The following STYK1 variants were observed in gnomAD, a reference collection of about 807,000 sequenced individuals.
STYK1 encodes STY kinase 1, also known as tyrosine-protein kinase STYK1.
A neutral mutation model predicts 48.1 loss-of-function variants in STYK1; 46 were observed. The observed-to-expected ratio is 0.96, with a 90% CI of 0.75 to 1.22. The LOEUF is 1.22. Ranked by LOEUF, STYK1 falls within the 50% of genes most tolerant of loss-of-function variation. STYK1 has a pLI of 0.00. For missense variants in STYK1, 527 were observed against 521.1 expected (o/e 1.01, Z -0.11); for synonymous variants, 188 against 189.0 (o/e 0.99, Z 0.04).
intron 1 of STYK1, among the ~76,000 whole-genome samples, chr12:10,659,188 A>G (rs866463411): frequency 6.6e-6 from 1 of 152,178 alleles, no homozygotes; most frequent in Non-Finnish European, 1.5e-5. Flanking sequence ...TGCTTAAAAC[A>G]TTGCTAATTC....
chr12:10,660,858 G>T (rs1341720272), intron 1 of STYK1, among the ~76,000 whole-genome samples: 2 of 152,108 alleles, frequency 1.3e-5, no homozygotes, highest in African/African-American at 4.8e-5. Flanking sequence ...TCTGGGATTT[G>T]CCCATCCCTT....
intron 1 of STYK1, among the ~76,000 whole-genome samples, chr12:10,642,430 T>C (rs1947555381): frequency 6.6e-6 from 1 of 152,212 alleles, no homozygotes; most frequent in Non-Finnish European, 1.5e-5. Context: ...CTATGCAGCA[T>C]AATTTCTGTA....
chr12:10,643,112 C>T (rs1327898482), intron 1 of STYK1, among the ~76,000 whole-genome samples: 1 of 152,208 alleles, frequency 6.6e-6, no homozygotes, highest in Non-Finnish European at 1.5e-5. Flanking sequence ...AATCTGCCCA[C>T]TTACTCATGC....
At chr12:10,626,868 G>A (rs1300480314) in intron 7 of STYK1, among the ~76,000 whole-genome samples, 4 of 152,068 alleles carry the variant, frequency 2.6e-5, no homozygotes, top group East Asian at 1.9e-4. Flanking sequence ...TTAGCCGGGC[G>A]TGGTGGTGGG....
chr12:10,664,565 C>A (rs1233339588), intron 1 of STYK1, among the ~76,000 whole-genome samples: 5 of 152,154 alleles, frequency 3.3e-5, no homozygotes, highest in African/African-American at 9.7e-5. Context: ...TATTTATAAA[C>A]CCACAACCTG....
At chr12:10,623,094 A>T (rs1947315861) in intron 8 of STYK1, among the ~76,000 whole-genome samples, 1 of 152,168 alleles carries the variant, frequency 6.6e-6, no homozygotes, top group Admixed American at 6.6e-5. Context: ...ACCAAGTTTT[A>T]TCATTTAGTC....
rs1301004725 is a variant in STYK1, at chr12:10,621,894, C to T, written c.1046G>A (p.Ser349Asn). ...CACTTACATGGTATGTGTGCAGCTA[C>T]TGGGTCTCTTCATGATTTTCCTTCT... ...LQRRKIMKRP[S>N]SCTHTMYSIM... is the part of the protein sequence containing the mutation. Residue 349 changes from serine (S) to asparagine (N), a missense_variant, in exon 10 of 11, where the codon AGT becomes AAT. Coordinates refer to ENST00000075503, the MANE Select transcript of STYK1 (RefSeq NM_018423.3). 3 of 1,613,748 alleles carry T rather than the reference C, an allele frequency of 1.9e-6. No homozygotes were observed. In the East Asian group the frequency reaches 6.7e-5, roughly 36 times the overall value.
chr12:10,662,962 T>C (rs987039797), intron 1 of STYK1, among the ~76,000 whole-genome samples: 5 of 152,222 alleles, frequency 3.3e-5, no homozygotes, highest in African/African-American at 7.2e-5. Flanking sequence ...AAGAATTTCA[T>C]AGTTTTAGTT....
chr12:10,634,389 T>C (rs1349585506), intron 3 of STYK1, among the ~76,000 whole-genome samples, 178 bp downstream of exon 3: 1 of 152,184 alleles, frequency 6.6e-6, no homozygotes, highest in African/African-American at 2.4e-5. Flanking sequence ...AGCATCTGGA[T>C]CACTGATTAG....
At chr12:10,633,632 G>GTC (rs1451702980) in intron 4 of STYK1, among the ~76,000 whole-genome samples, 3 of 152,106 alleles carry the variant, frequency 2.0e-5, no homozygotes, top group Non-Finnish European at 4.4e-5. Context: ...ATCATAGGGT[G>GTC]ATATGTCATC....
chr12:10,655,534 T>G (rs1947708787), intron 1 of STYK1, among the ~76,000 whole-genome samples: 1 of 152,218 alleles, frequency 6.6e-6, no homozygotes, highest in Non-Finnish European at 1.5e-5. Context: ...ATGAGTACTT[T>G]CAGGTTGATA....
intron 1 of STYK1, among the ~76,000 whole-genome samples, chr12:10,668,866 C>A (rs115312336): frequency 0.017 from 2,619 of 152,190 alleles, 70 homozygotes; most frequent in African/African-American, 0.061. Context: ...TCCTGGAGAG[C>A]ACAGTCAGCT....
rs377592277 is a variant in STYK1, at chr12:10,631,146, A to G, written c.350T>C (p.Leu117Pro). The G allele has an allele frequency of 6.2e-7, 1 of 1,614,104 alleles. No individual in the cohort carries two copies. The highest frequency in any genetic ancestry group is 1.3e-5 in the African/African-American group (1 of 74,950). The change falls in exon 5 of 11, where the codon CTG becomes CCG. Residue 117 changes from leucine to proline, a missense_variant. Physicochemically the swap from Leu to Pro is moderately conservative, Grantham distance 98. Coordinates refer to ENST00000075503, the MANE Select transcript of STYK1 (RefSeq NM_018423.3). Reference protein sequence around the residue: ...QVPREQLSEVLEQICSGSCGP... With the variant: ...QVPREQLSEVPEQICSGSCGP... ...ACAGCTACCACTGCAAATCTGCTCC[A>G]GAACTTCAGAGAGTTGCTCCCGCGG...
At chr12:10,643,276 A>G (rs1166956842) in intron 1 of STYK1, among the ~76,000 whole-genome samples, 1 of 152,194 alleles carries the variant, frequency 6.6e-6, no homozygotes, top group African/African-American at 2.4e-5. Context: ...CTAATATAAA[A>G]GCCTCCCAGA....
At chr12:10,649,264 T>C (rs1480383519) in intron 1 of STYK1, among the ~76,000 whole-genome samples, 1 of 152,142 alleles carries the variant, frequency 6.6e-6, no homozygotes, top group African/African-American at 2.4e-5. Flanking sequence ...GTCATTGTAC[T>C]ATTTTTGCTG....
chr12:10,656,626 A>AAAAAAAC (rs1302064707), intron 1 of STYK1, among the ~76,000 whole-genome samples: 1 of 152,174 alleles, frequency 6.6e-6, no homozygotes, highest in South Asian at 2.1e-4. Context: ...CTCCATCTCA[A>AAAAAAAC]AAAAAACAAA....
intron 1 of STYK1, among the ~76,000 whole-genome samples, chr12:10,659,063 G>A (rs996921966): frequency 4.6e-5 from 7 of 152,222 alleles, no homozygotes; most frequent in African/African-American, 1.7e-4. Context: ...GGATAGAGGC[G>A]AAAACTTTCA....
At chr12:10,639,871 C>A (rs1413332439) in intron 1 of STYK1, among the ~76,000 whole-genome samples, 1 of 152,126 alleles carries the variant, frequency 6.6e-6, no homozygotes, top group Admixed American at 6.5e-5. Context: ...ACATTGGAAT[C>A]CAAAAGAATC....
chr12:10,629,364 A>G (rs1947394728), intron 6 of STYK1, 129 bp downstream of exon 6: 2 of 926,886 alleles, frequency 2.2e-6, no homozygotes, highest in South Asian at 1.6e-5. Flanking sequence ...TTATATGGTC[A>G]TACTCCCTTA....
Sources: allele counts gnomAD v4.1 joint callset (sites outside exome capture counted in the v4.1 genomes callset), GRCh38; gene constraint gnomAD v4.1.1; transcripts MANE v1.5; gene names NCBI Gene and HGNC (gene_info 2026-07-23, HGNC 2026-07-21).